HCRTR2: variants seen among roughly 807,000 people sequenced by gnomAD.
HCRTR2 encodes orexin receptor type 2.
In HCRTR2, 22 loss-of-function variants were observed where a neutral mutation model predicts 49.0. The observed-to-expected ratio is 0.45, with a 90% confidence interval of 0.32 to 0.64. The LOEUF (loss-of-function observed/expected upper bound fraction) is 0.64. Ranked by LOEUF, HCRTR2 falls within the 30% of genes least tolerant of loss-of-function variation. The pLI is 0.04. For missense variants in HCRTR2, 491 were observed against 559.4 expected (o/e 0.88, Z 1.23); for synonymous variants, 236 against 205.3 (o/e 1.15, Z -1.28).
chr6:55,129,981 A>C (rs1764331909), intron 1 of HCRTR2, among the ~76,000 whole-genome samples: 1 of 151,960 alleles, frequency 6.6e-6, no homozygotes, highest in Non-Finnish European at 1.5e-5. Context: ...TCCTGGACCC[A>C]CCAGTGAGTT....
At chr6:55,200,948 C>G (rs538270556) in intron 1 of HCRTR2, among the ~76,000 whole-genome samples, 1 of 151,974 alleles carries the variant, frequency 6.6e-6, no homozygotes, top group Non-Finnish European at 1.5e-5. Flanking sequence ...TTTGTAGATC[C>G]AAATTCCTCT....
intron 1 of HCRTR2, among the ~76,000 whole-genome samples, chr6:55,133,018 T>C (rs769187509): frequency 1.3e-5 from 2 of 151,784 alleles, no homozygotes; most frequent in Non-Finnish European, 3.0e-5. Context: ...GGATAGCTGA[T>C]AATCTCAAAG....
At chr6:55,199,662 C>T (rs888748825) in intron 1 of HCRTR2, among the ~76,000 whole-genome samples, 5 of 151,710 alleles carry the variant, frequency 3.3e-5, no homozygotes, top group African/African-American at 9.7e-5. Context: ...ATCTCTTATG[C>T]GTACTTCAAA....
chr6:55,267,929 G>A (rs1766893226), intron 4 of HCRTR2, among the ~76,000 whole-genome samples: 1 of 152,034 alleles, frequency 6.6e-6, no homozygotes, highest in African/African-American at 2.4e-5. Flanking sequence ...TAACTACATA[G>A]GTAAATACTG....
chr6:55,176,609 A>G (rs945219672), intron 1 of HCRTR2, among the ~76,000 whole-genome samples: 4 of 152,178 alleles, frequency 2.6e-5, no homozygotes, highest in Admixed American at 2.6e-4. Context: ...AAAATAACCC[A>G]CATTAGCCAG....
At chr6:55,277,168 CTT>C (rs1010454990) in intron 4 of HCRTR2, among the ~76,000 whole-genome samples, 1 of 152,020 alleles carries the variant, frequency 6.6e-6, no homozygotes, top group East Asian at 1.9e-4. Context: ...GATGTTTTAA[CTT>C]TTTTTTCCAC....
chr6:55,216,648 G>A (rs925765828), intron 1 of HCRTR2, among the ~76,000 whole-genome samples: 2 of 152,182 alleles, frequency 1.3e-5, no homozygotes, highest in African/African-American at 4.8e-5. Context: ...ACAATGTGGG[G>A]AACACATTGA....
rs145958055 is a variant in HCRTR2 at position 55,220,590 on chromosome 6, A to G, written c.224-28049A>G. Among the ~76,000 whole-genome samples the G allele has an allele frequency of 5.3e-5, 8 of 152,272 alleles. No homozygotes were observed. The East Asian group carries it at 1.5e-3, about 29-fold the overall frequency. ...AATAAAGGTCACATATCAAAAGCTAACAGATAACATCATACTCAATGGTAA... is the reference window on the plus strand; with the variant it reads ...AATAAAGGTCACATATCAAAAGCTAGCAGATAACATCATACTCAATGGTAA... On this transcript the variant is annotated intron_variant, in intron 1 of 6. Transcript: ENST00000370862.
Position 55,282,409 on chromosome 6 carries a change from C to T in HCRTR2, c.1290C>T (p.Ser430=), listed in dbSNP as rs959325050. 3 of 1,611,998 alleles carry T rather than the reference C, an allele frequency of 1.9e-6. No individual in the cohort carries two copies. In the Admixed American group the frequency reaches 5.0e-5, roughly 27 times the overall value. ...AGCAAGTTGTGCTCACTAGCATAAG[C>T]ACACTCCCAGCAGCCAATGGAGCAG... ...LSEQVVLTSI[S]TLPAANGAGP... Residue 430 remains serine (S), a synonymous_variant, in exon 7 of 7, where the codon AGC becomes AGT. Transcript: ENST00000370862.
chr6:55,275,545 G>A (rs1361823462), intron 4 of HCRTR2, among the ~76,000 whole-genome samples: 1 of 130,572 alleles, frequency 7.7e-6, no homozygotes, highest in Non-Finnish European at 1.7e-5. Context: ...ATCTAAAAAG[G>A]GCATCACTAC....
chr6:55,217,357 T>TTGC (rs1765806771), intron 1 of HCRTR2, among the ~76,000 whole-genome samples: 1 of 152,236 alleles, frequency 6.6e-6, no homozygotes, highest in Non-Finnish European at 1.5e-5. Context: ...TCAAATCATT[T>TTGC]TGCTGTGATT....
At chr6:55,265,997 A>T (rs62416825) in intron 4 of HCRTR2, among the ~76,000 whole-genome samples, 26,296 of 151,984 alleles carry the variant, frequency 0.17, 2,772 homozygotes, top group Non-Finnish European at 0.24. Context: ...GAAACTAAAA[A>T]CCAGGGCTTC....
intron 1 of HCRTR2, among the ~76,000 whole-genome samples, chr6:55,142,233 G>A (rs556580313): frequency 2.9e-4 from 44 of 151,178 alleles, no homozygotes; most frequent in African/African-American, 1.0e-3. Flanking sequence ...GTCTTGCTCT[G>A]TCGCCCAGGC....
intron 1 of HCRTR2, among the ~76,000 whole-genome samples, chr6:55,167,909 A>G (rs1345494572): frequency 6.6e-6 from 1 of 152,226 alleles, no homozygotes; most frequent in African/African-American, 2.4e-5. Context: ...CACACCCTAC[A>G]TAGAGACTGC....
At chr6:55,159,565 A>T (rs1440029425) in intron 1 of HCRTR2, among the ~76,000 whole-genome samples, 3 of 152,208 alleles carry the variant, frequency 2.0e-5, no homozygotes, top group African/African-American at 7.2e-5. Flanking sequence ...GTTCTAACCC[A>T]ATGCAAGGAA....
At chr6:55,117,444 C>T (rs1764133766) in intron 1 of HCRTR2, among the ~76,000 whole-genome samples, 1 of 151,508 alleles carries the variant, frequency 6.6e-6, no homozygotes, top group Non-Finnish European at 1.5e-5. Context: ...GATACACAAT[C>T]GTTGTACATA....
intron 1 of HCRTR2, among the ~76,000 whole-genome samples, chr6:55,227,233 A>C (rs1233518724): frequency 6.6e-6 from 1 of 152,110 alleles, no homozygotes; most frequent in African/African-American, 2.4e-5. Context: ...CTTATTGACA[A>C]ATATGTATTG....
intron 1 of HCRTR2, among the ~76,000 whole-genome samples, chr6:55,107,211 A>T (rs1763985743): frequency 6.6e-6 from 1 of 152,108 alleles, no homozygotes; most frequent in African/African-American, 2.4e-5. Flanking sequence ...TCATTTATAA[A>T]GTCTTATAGC....
At chr6:55,221,487 C>A (rs1262372718) in intron 1 of HCRTR2, among the ~76,000 whole-genome samples, 1 of 152,098 alleles carries the variant, frequency 6.6e-6, no homozygotes, top group African/African-American at 2.4e-5. Flanking sequence ...AAATTAGACC[C>A]TACTCAAAAA....
Sources: gnomAD v4.1 joint callset for allele counts (sites outside exome capture counted in the v4.1 genomes callset) on GRCh38, gnomAD v4.1.1 for gene constraint, MANE v1.5 for transcripts, NCBI Gene and HGNC (gene_info 2026-07-23, HGNC 2026-07-21) for gene names.